PRPF39: variants seen among roughly 807,000 people sequenced by gnomAD.
The protein encoded by PRPF39 is pre-mRNA processing factor 39.
A neutral mutation model predicts 82.1 loss-of-function variants in PRPF39; 27 were observed. The observed-to-expected ratio is 0.33, with a 90% confidence interval of 0.24 to 0.45. The LOEUF (loss-of-function observed/expected upper bound fraction) is 0.45. Among genes scored for constraint, PRPF39 ranks in the 20% least tolerant of loss-of-function variants. The pLI, the probability that PRPF39 is intolerant of heterozygous loss-of-function variation, is 1.00. For missense variants in PRPF39, 581 were observed against 796.9 expected (o/e 0.73, Z 3.26); for synonymous variants, 261 against 256.4 (o/e 1.02, Z -0.17).
At chr14:45,105,545 G>A (rs77548053) in intron 5 of PRPF39, among the ~76,000 whole-genome samples, 5 of 54,200 alleles carry the variant, frequency 9.2e-5, no homozygotes, top group Non-Finnish European at 1.8e-4. Flanking sequence ...TTTTTTTTTT[G>A]AGGTGAAATC....
rs193153478 is a variant in PRPF39 at position 45,086,532 on chromosome 14, T to C, written c.-20+2283T>C. ...GAAAAAGGGAGGACTTTTATTAGTCTGGGGGAACAGCTTTTGTCAAGGCTC... is the reference window on the plus strand; with the variant it reads ...GAAAAAGGGAGGACTTTTATTAGTCCGGGGGAACAGCTTTTGTCAAGGCTC... On this transcript the variant is annotated intron_variant, in intron 1 of 13. Coordinates refer to ENST00000355765, the MANE Select transcript of PRPF39 (RefSeq NM_017922.4). Among the ~76,000 whole-genome samples, 17 of 152,252 alleles carry C rather than the reference T, an allele frequency of 1.1e-4. No individual in the cohort carries two copies. In the East Asian group the frequency reaches 3.3e-3, roughly 29 times the overall value.
At chr14:45,084,706 G>A (rs891145531) in intron 1 of PRPF39, among the ~76,000 whole-genome samples, 1 of 152,110 alleles carries the variant, frequency 6.6e-6, no homozygotes. Flanking sequence ...GACTACATAA[G>A]CAACACTTTT....
At chr14:45,111,748 C>G (rs1284961399) in intron 10 of PRPF39, among the ~76,000 whole-genome samples, 1 of 145,386 alleles carries the variant, frequency 6.9e-6, no homozygotes, top group Non-Finnish European at 1.5e-5. Flanking sequence ...AAGCCATTCT[C>G]TTGCCTCAGG....
chr14:45,105,407 T>C (rs2139057534), intron 5 of PRPF39, among the ~76,000 whole-genome samples: 1 of 152,306 alleles, frequency 6.6e-6, no homozygotes, highest in East Asian at 1.9e-4. Flanking sequence ...TTATTTTTAA[T>C]TTTTTAACAT....
At chr14:45,101,933 A>G (rs1884388956) in intron 4 of PRPF39, among the ~76,000 whole-genome samples, 5 of 151,782 alleles carry the variant, frequency 3.3e-5, no homozygotes, top group Admixed American at 3.3e-4. Flanking sequence ...CAGCCTCCCA[A>G]GTAGCTGGGA....
chr14:45,104,209 G>A (rs1341453660), intron 5 of PRPF39, among the ~76,000 whole-genome samples: 1 of 151,934 alleles, frequency 6.6e-6, no homozygotes, highest in Non-Finnish European at 1.5e-5. Context: ...TCTTTAAGTT[G>A]TCAGTTACCC....
At chr14:45,090,450 A>G (rs1172576167) in intron 1 of PRPF39, among the ~76,000 whole-genome samples, 1 of 151,994 alleles carries the variant, frequency 6.6e-6, no homozygotes, top group African/African-American at 2.4e-5. Flanking sequence ...TTACCCTTCT[A>G]CTTCTCAATA....
intron 5 of PRPF39, among the ~76,000 whole-genome samples, chr14:45,103,569 G>A (rs1884440815): frequency 6.6e-6 from 1 of 151,874 alleles, no homozygotes; most frequent in Non-Finnish European, 1.5e-5. Flanking sequence ...CATTTGTAAA[G>A]TACTAAGGAT....
Position 45,096,910 on chromosome 14 carries a change from A to C in PRPF39, c.474A>C (p.Ala158=). The C allele has an allele frequency of 6.5e-7, 1 of 1,543,026 alleles. No homozygotes were observed. The highest frequency in any genetic ancestry group is 8.7e-7 in the Non-Finnish European group (1 of 1,144,388). ...AGGTTTATCGGCGGGGGCTTCAGGC[A>C]ATACCTCTTAGTGTTGACCTTTGGA... The part of the protein sequence containing the change: ...SDEVYRRGLQ[A]IPLSVDLWIH... Residue 158 remains alanine (A), a synonymous_variant, in exon 4 of 14, where the codon GCA becomes GCC. Coordinates refer to ENST00000355765, the MANE Select transcript of PRPF39 (RefSeq NM_017922.4).
Position 45,110,408 on chromosome 14 carries a change from T to G in PRPF39, c.1304-141T>G. On this transcript the variant is annotated intron_variant, in intron 9 of 13. Coordinates refer to ENST00000355765, the MANE Select transcript of PRPF39 (RefSeq NM_017922.4). This position sits in a 1 kb window ranked among gnomAD's most constrained non-coding sequence, Gnocchi z 4.0. ...AGCCATTGTAGCCCCGAAACAGCCA[T>G]AGGCAGTGTGTAAATATGCATGGCT... 1.7e-6 allele frequency: 2 copies of G among 1,201,832 alleles called. No individual in the cohort carries two copies. The highest frequency in any genetic ancestry group is 2.3e-6 in the Non-Finnish European group (2 of 869,408). 74.4% of individuals were successfully genotyped at this position (1,201,832 alleles called of 1,614,324 possible).
chr14:45,092,451 A>G (rs556650812), intron 1 of PRPF39, among the ~76,000 whole-genome samples: 1 of 152,142 alleles, frequency 6.6e-6, no homozygotes, highest in South Asian at 2.1e-4. Flanking sequence ...AAATACAAAA[A>G]TTAGCTGGGC....
chr14:45,100,399 A>T (rs1442722640), intron 4 of PRPF39, among the ~76,000 whole-genome samples: 8 of 152,172 alleles, frequency 5.3e-5, no homozygotes, highest in Admixed American at 5.2e-4. Flanking sequence ...CTTATATCTT[A>T]TTCCTGAGCC....
At chr14:45,095,167 A>G (rs1884157629) in intron 1 of PRPF39, 54 bp from the exon 2 acceptor site, 1 of 1,268,460 alleles carries the variant, frequency 7.9e-7, no homozygotes, top group Non-Finnish European at 1.1e-6. Context: ...TGTTGAGGCC[A>G]AATAATTTTA....
chr14:45,114,071 A>T, intron 11 of PRPF39, 112 bp from the exon 12 acceptor site: 1 of 718,320 alleles, frequency 1.4e-6, no homozygotes, highest in Non-Finnish European at 2.2e-6. Context: ...TTAAAAATAA[A>T]GGAGCCGCTT....
intron 11 of PRPF39, 68 bp downstream of exon 11, chr14:45,112,570 A>G (rs1418408311): frequency 7.4e-7 from 1 of 1,351,844 alleles, no homozygotes; most frequent in Non-Finnish European, 9.7e-7. Context: ...TGGGGATTTG[A>G]TGATTAGTAT....
At chr14:45,112,811 A>C (rs948788063) in intron 11 of PRPF39, among the ~76,000 whole-genome samples, 1 of 152,192 alleles carries the variant, frequency 6.6e-6, no homozygotes, top group Non-Finnish European at 1.5e-5. Context: ...ATAAGGATTG[A>C]ACCCTGAAAC....
intron 3 of PRPF39, chr14:45,096,643 C>T: frequency 1.3e-6 from 2 of 1,490,880 alleles, no homozygotes; most frequent in South Asian, 1.2e-5. Context: ...GGTCTGTAAC[C>T]CAAAGCCTGC....
chr14:45,084,643 T>C (rs1883763986), intron 1 of PRPF39, among the ~76,000 whole-genome samples: 1 of 152,090 alleles, frequency 6.6e-6, no homozygotes, highest in African/African-American at 2.4e-5. Flanking sequence ...GAAGATAATA[T>C]ACGTTCTATT....
intron 8 of PRPF39, 126 bp downstream of exon 8, chr14:45,109,906 T>G: frequency 1.3e-6 from 2 of 1,514,394 alleles, no homozygotes; most frequent in Non-Finnish European, 1.8e-6. Context: ...GATGGTCTGC[T>G]TGCAACCAGA....
Sources: allele counts gnomAD v4.1 joint callset (sites outside exome capture counted in the v4.1 genomes callset), GRCh38; gene constraint gnomAD v4.1.1; non-coding constraint Gnocchi (gnomAD v3.1); transcripts MANE v1.5; gene names NCBI Gene and HGNC (gene_info 2026-07-23, HGNC 2026-07-21).